The following ASTN2 variants were observed in gnomAD, a reference collection of about 807,000 sequenced individuals.
ASTN2 encodes the protein astrotactin-2.
A neutral mutation model predicts 139.8 loss-of-function variants in ASTN2; 54 were observed. That is an observed-to-expected ratio of 0.39 (90% CI 0.31 to 0.48). ASTN2 has a LOEUF of 0.48. ASTN2 is among the 20% of genes least tolerant of loss of function. The pLI is 0.95. For missense variants in ASTN2, 1,565 were observed against 1,725.1 expected, an observed-to-expected ratio of 0.91 and a Z score of 1.64; for synonymous variants, 756 against 719.5, an observed-to-expected ratio of 1.05 and a Z score of -0.81.
chr9:117,317,193 G>A (rs1828171242), intron 1 of ASTN2, among the ~76,000 whole-genome samples: 2 of 152,074 alleles, frequency 1.3e-5, no homozygotes, highest in African/African-American at 4.8e-5. Flanking sequence ...TCAGGAGGCT[G>A]AAATGGAACA....
At chr9:116,598,254 C>A (rs1322384349) in intron 19 of ASTN2, among the ~76,000 whole-genome samples, 1 of 152,142 alleles carries the variant, frequency 6.6e-6, no homozygotes, top group Non-Finnish European at 1.5e-5. Flanking sequence ...TTTATGAAGT[C>A]TGAGAATGGA....
chr9:116,698,865 G>C lies in ASTN2; in HGVS notation c.2806+26906C>G. 2 of 1,614,248 alleles carry C rather than the reference G, an allele frequency of 1.2e-6. No homozygotes were observed. Among genetic ancestry groups the C allele is most frequent in the Non-Finnish European group, 1.7e-6 (2 of 1,180,048 alleles). ...CACTCCAGGAATGTTCAATCTTCCAGTCAGTCTCTACGTGACCAGTCAAGG... is the reference window on the plus strand; with the variant it reads ...CACTCCAGGAATGTTCAATCTTCCACTCAGTCTCTACGTGACCAGTCAAGG... On this transcript the variant is annotated intron_variant, in intron 16 of 22. Coordinates refer to ENST00000313400, the MANE Select transcript of ASTN2 (RefSeq NM_001365068.1). This position sits in a 1 kb window ranked among gnomAD's most constrained non-coding sequence, Gnocchi z 4.4.
intron 1 of ASTN2, among the ~76,000 whole-genome samples, chr9:117,330,241 C>T (rs16934517): frequency 5.3e-5 from 8 of 152,212 alleles, no homozygotes; most frequent in Non-Finnish European, 1.2e-4. Flanking sequence ...GAACAATTCT[C>T]AGGCCTAACT....
intron 20 of ASTN2, among the ~76,000 whole-genome samples, chr9:116,476,025 T>G (rs1290719147): frequency 6.6e-6 from 1 of 152,152 alleles, no homozygotes; most frequent in Non-Finnish European, 1.5e-5. Context: ...TTTGGTGGCT[T>G]AAAACAACAG....
chr9:116,477,597 CAGG>C (rs1179962714), intron 20 of ASTN2, among the ~76,000 whole-genome samples: 1 of 151,626 alleles, frequency 6.6e-6, no homozygotes, highest in East Asian at 1.9e-4. Context: ...GAAAAATGCA[CAGG>C]AGGATAAAAG....
chr9:117,412,093 C>T (rs576348055), intron 1 of ASTN2, among the ~76,000 whole-genome samples: 59 of 150,572 alleles, frequency 3.9e-4, no homozygotes, highest in Non-Finnish European at 7.4e-4. Flanking sequence ...TGTGTTTACA[C>T]ACAAACAGTG....
intron 12 of ASTN2, among the ~76,000 whole-genome samples, chr9:116,817,481 A>T (rs1334568329): frequency 1.3e-5 from 2 of 152,244 alleles, no homozygotes; most frequent in African/African-American, 4.8e-5. Flanking sequence ...TACAAAGGAG[A>T]AAGAGACAGG....
intron 3 of ASTN2, chr9:117,180,627 CT>C (rs372662181): frequency 0.11 from 102,672 of 903,250 alleles, 5 homozygotes; most frequent in Middle Eastern, 0.13. Context: ...TCTGGAGTAT[CT>C]TTTTTTTTTT....
chr9:116,921,014 C>A (rs945517090), intron 10 of ASTN2, among the ~76,000 whole-genome samples: 8 of 152,168 alleles, frequency 5.3e-5, no homozygotes, highest in African/African-American at 1.9e-4. Flanking sequence ...GCTCACCGTT[C>A]TACAGGCTTT....
chr9:116,778,004 A>G (rs1410435157), intron 13 of ASTN2, among the ~76,000 whole-genome samples: 1 of 152,008 alleles, frequency 6.6e-6, no homozygotes, highest in African/African-American at 2.4e-5. Flanking sequence ...CACCACACCC[A>G]GCTAATTTTT....
At chr9:116,489,941 G>T (rs1273645000) in intron 19 of ASTN2, among the ~76,000 whole-genome samples, 1 of 152,172 alleles carries the variant, frequency 6.6e-6, no homozygotes, top group Non-Finnish European at 1.5e-5. Context: ...ACAGACCTGA[G>T]ACTGAGTACT....
At position 117,116,037 on chromosome 9, in the gene ASTN2, C is replaced by CATATATATATATATATATATAT. The variant is rs113795526; in HGVS notation, c.1169-19887_1169-19886insATATATATATATATATATATAT. Among the ~76,000 whole-genome samples the CATATATATATATATATATATAT allele has an allele frequency of 7.9e-3, 1,106 of 140,136 alleles. 10 individuals carry two copies. Among genetic ancestry groups the CATATATATATATATATATATAT allele is most frequent in the East Asian group, 0.047 (211 of 4,494 alleles). 91.9% of individuals were successfully genotyped at this position (140,136 alleles called of 152,430 possible). A position where few individuals can be genotyped will look rare whatever the true frequency, so the allele number is the denominator to read the frequency against. On this transcript the variant is annotated intron_variant, in intron 4 of 22. Transcript: ENST00000313400. ...GAGACTCCGCCTCAAAAAAAAAATG[C>CATATATATATATATATATATAT]ATATATATATATATATTGCTCCCAT...
At chr9:116,898,213 C>T (rs987516305) in intron 10 of ASTN2, among the ~76,000 whole-genome samples, 15 of 151,790 alleles carry the variant, frequency 9.9e-5, no homozygotes, top group African/African-American at 3.6e-4. Flanking sequence ...TTGAGACCAC[C>T]CTGGGCAACA....
intron 20 of ASTN2, among the ~76,000 whole-genome samples, chr9:116,473,004 C>T (rs555922161): frequency 6.6e-6 from 1 of 152,120 alleles, no homozygotes; most frequent in East Asian, 1.9e-4. Context: ...TAAGCCTTCC[C>T]ATCTTAGTTT....
At chr9:116,513,026 A>T (rs1293262207) in intron 19 of ASTN2, among the ~76,000 whole-genome samples, 1 of 152,152 alleles carries the variant, frequency 6.6e-6, no homozygotes, top group Non-Finnish European at 1.5e-5. Flanking sequence ...GTTATGTGTG[A>T]GTTTGATCCT....
intron 11 of ASTN2, among the ~76,000 whole-genome samples, chr9:116,842,418 C>G (rs1453052347): frequency 1.3e-5 from 2 of 152,122 alleles, no homozygotes; most frequent in Non-Finnish European, 2.9e-5. Context: ...TGAAGAAGGG[C>G]TGCTGAATTC....
rs184096688 is a variant in ASTN2 at position 116,885,094 on chromosome 9, A to G, written c.1890-21361T>C. On this transcript the variant is annotated intron_variant, in intron 10 of 22. Coordinates refer to ENST00000313400, the MANE Select transcript of ASTN2 (RefSeq NM_001365068.1). ...TTTAACCTTAATTGCCTCTTTAATG[A>G]CCTTATTTCCACCAGAGGCTGGAAA... Among the ~76,000 whole-genome samples the G allele has an allele frequency of 1.4e-4, 22 of 152,144 alleles. No homozygotes were observed. In the East Asian group the frequency reaches 3.9e-3, roughly 27 times the overall value.
chr9:117,221,976 G>A (rs185687795), intron 2 of ASTN2, among the ~76,000 whole-genome samples: 91 of 152,276 alleles, frequency 6.0e-4, no homozygotes, highest in South Asian at 3.7e-3. Context: ...CTAAGGAAAC[G>A]TGAATTGTGA....
intron 22 of ASTN2, among the ~76,000 whole-genome samples, chr9:116,435,129 T>C (rs1377404201): frequency 1.3e-5 from 2 of 152,204 alleles, no homozygotes; most frequent in African/African-American, 4.8e-5. Context: ...CTGGTCTCTA[T>C]GACCTTCAGG....
Sources: allele counts gnomAD v4.1 joint callset (sites outside exome capture counted in the v4.1 genomes callset), GRCh38; gene constraint gnomAD v4.1.1; non-coding constraint Gnocchi (gnomAD v3.1); transcripts MANE v1.5; gene names NCBI Gene and HGNC (gene_info 2026-07-23, HGNC 2026-07-21).